Variants in MARCHF1 observed in about 807,000 individuals in gnomAD.
MARCHF1 encodes membrane associated ring-CH-type finger 1, also known as E3 ubiquitin-protein ligase MARCHF1.
In MARCHF1, 40 loss-of-function variants were observed where a neutral mutation model predicts 54.2. The observed-to-expected ratio is 0.74, with a 90% CI of 0.57 to 0.96. The LOEUF is 0.96. Among genes scored for constraint, MARCHF1 ranks in the 40% least tolerant of loss-of-function variants. The pLI, the probability that MARCHF1 is intolerant of heterozygous loss-of-function variation, is 0.00. For missense variants in MARCHF1, 586 were observed against 656.5 expected (o/e 0.89, Z 1.17); for synonymous variants, 236 against 236.3 (o/e 1.00, Z 0.01).
chr4:163,581,638 G>T (rs1386836554), intron 8 of MARCHF1, among the ~76,000 whole-genome samples: 1 of 152,138 alleles, frequency 6.6e-6, no homozygotes, highest in Non-Finnish European at 1.5e-5. Context: ...TTAAGGCAAG[G>T]AAGGAATTAA....
intron 1 of MARCHF1, among the ~76,000 whole-genome samples, chr4:164,185,427 C>A (rs1244223896): frequency 6.6e-6 from 1 of 152,102 alleles, no homozygotes; most frequent in East Asian, 1.9e-4. Context: ...AGTCTTGAGT[C>A]CTGCACATGT....
At chr4:163,862,435 G>T (rs1749959138) in intron 3 of MARCHF1, among the ~76,000 whole-genome samples, 1 of 151,848 alleles carries the variant, frequency 6.6e-6, no homozygotes, top group Admixed American at 6.6e-5. Context: ...TATACAAATG[G>T]ATACCAAGAA....
At chr4:163,955,574 T>C (rs1207829692) in intron 3 of MARCHF1, among the ~76,000 whole-genome samples, 2 of 152,098 alleles carry the variant, frequency 1.3e-5, no homozygotes, top group Non-Finnish European at 2.9e-5. Context: ...GTGTTTTTCC[T>C]TGATCTGAAG....
intron 2 of MARCHF1, among the ~76,000 whole-genome samples, chr4:164,040,882 T>G (rs1269829436): frequency 6.6e-6 from 1 of 152,066 alleles, no homozygotes; most frequent in Admixed American, 6.6e-5. Context: ...TACCATGACA[T>G]TCTGAATTGT....
At chr4:164,353,991 G>A (rs375702831) in intron 1 of MARCHF1, among the ~76,000 whole-genome samples, 18 of 90,194 alleles carry the variant, frequency 2.0e-4, no homozygotes, top group African/African-American at 6.0e-4. Flanking sequence ...ACACCTCTAC[G>A]CAAATAAACT....
intron 2 of MARCHF1, among the ~76,000 whole-genome samples, chr4:164,025,973 G>A (rs1464514218): frequency 1.3e-5 from 2 of 152,030 alleles, no homozygotes; most frequent in African/African-American, 4.8e-5. Context: ...AAATACAGAG[G>A]ATATGGATAA....
At chr4:163,960,823 A>G (rs1172588521) in intron 3 of MARCHF1, among the ~76,000 whole-genome samples, 1 of 151,852 alleles carries the variant, frequency 6.6e-6, no homozygotes, top group African/African-American at 2.4e-5. Context: ...ATAAAAAAAA[A>G]AAAAACAGAC....
At chr4:163,819,747 T>C (rs1748639978) in intron 4 of MARCHF1, among the ~76,000 whole-genome samples, 1 of 152,060 alleles carries the variant, frequency 6.6e-6, no homozygotes, top group Admixed American at 6.6e-5. Flanking sequence ...CAAACCATCT[T>C]ACAAACCAAC....
chr4:163,988,148 A>C (rs1752904893), intron 3 of MARCHF1, among the ~76,000 whole-genome samples: 1 of 152,194 alleles, frequency 6.6e-6, no homozygotes, highest in Admixed American at 6.5e-5. Context: ...CAGTTCCACT[A>C]TGTGAAAATG....
chr4:163,618,486 C>T (rs1368299193), intron 5 of MARCHF1, among the ~76,000 whole-genome samples: 1 of 152,124 alleles, frequency 6.6e-6, no homozygotes, highest in East Asian at 1.9e-4. Context: ...GGATGCAGGC[C>T]TAGTTTCCCC....
rs148155074 is a variant in MARCHF1, at chr4:163,762,869, G to A, written c.112-62006C>T. On this transcript the variant is annotated intron_variant, in intron 4 of 9. Coordinates refer to ENST00000514618, the MANE Select transcript of MARCHF1 (RefSeq NM_001394959.1). ...ATGGCCATTTTAAAAGCTTACACTA[G>A]CTTTCTGTTCATTATAAAGTAATTA... Among the ~76,000 whole-genome samples the A allele has an allele frequency of 3.4e-3, 512 of 152,114 alleles. 1 individual carries two copies. The highest frequency in any genetic ancestry group is 5.2e-3 in the Non-Finnish European group (355 of 67,948).
chr4:163,656,838 G>A (rs1189077122), intron 5 of MARCHF1, among the ~76,000 whole-genome samples: 1 of 151,448 alleles, frequency 6.6e-6, no homozygotes, highest in East Asian at 1.9e-4. Context: ...GTAGAAAAAG[G>A]CTTAGATAAA....
rs546725750 is a variant in MARCHF1 at position 163,598,723 on chromosome 4, G to A, written c.1011-12794C>T. Among the ~76,000 whole-genome samples the A allele has an allele frequency of 7.2e-5, 11 of 152,280 alleles. No homozygotes were observed. In the East Asian group the frequency reaches 2.1e-3, roughly 29 times the overall value. Reference sequence around the variant, plus strand: ...TGTTCTGGATGAGTCAGTGAGTGATGGGTGAGTAAACGTGAAGGCCTAGGA... The same window carrying A: ...TGTTCTGGATGAGTCAGTGAGTGATAGGTGAGTAAACGTGAAGGCCTAGGA... On this transcript the variant is annotated intron_variant, in intron 7 of 9. Coordinates refer to ENST00000514618, the MANE Select transcript of MARCHF1 (RefSeq NM_001394959.1).
intron 1 of MARCHF1, among the ~76,000 whole-genome samples, chr4:164,175,761 C>G (rs1331276019): frequency 6.6e-6 from 1 of 152,160 alleles, no homozygotes; most frequent in African/African-American, 2.4e-5. Context: ...AACTTCCAGC[C>G]CACCACGCTG....
rs572586428 is a variant in MARCHF1 at position 164,351,168 on chromosome 4, G to A, written c.-323+32702C>T. Among the ~76,000 whole-genome samples the A allele has an allele frequency of 1.9e-3, 293 of 151,956 alleles. 1 individual carries two copies. The highest frequency in any genetic ancestry group is 6.1e-3 in the African/African-American group (253 of 41,514). Reference sequence around the variant, plus strand: ...GCAGCCTGAGATCAAACTGCAAGGCGGCAGCGAGGCTGGGGTAGGGGCGCC... The same window carrying A: ...GCAGCCTGAGATCAAACTGCAAGGCAGCAGCGAGGCTGGGGTAGGGGCGCC... On this transcript the variant is annotated intron_variant, in intron 1 of 9. Transcript: ENST00000514618.
At chr4:164,144,059 C>T (rs985584716) in intron 1 of MARCHF1, among the ~76,000 whole-genome samples, 1 of 152,184 alleles carries the variant, frequency 6.6e-6, no homozygotes, top group South Asian at 2.1e-4. Flanking sequence ...CAACAAAGAT[C>T]AAAAGAGACA....
At chr4:164,106,984 G>A (rs144905381) in intron 2 of MARCHF1, among the ~76,000 whole-genome samples, 1 of 152,058 alleles carries the variant, frequency 6.6e-6, no homozygotes, top group African/African-American at 2.4e-5. Flanking sequence ...TTACAAAGTC[G>A]TATTGAGGAT....
At position 164,101,920 on chromosome 4, in the gene MARCHF1, G is replaced by A. The variant is rs1035650189; in HGVS notation, c.-248+9668C>T. Among the ~76,000 whole-genome samples, 7 of 150,348 alleles carry A rather than the reference G, an allele frequency of 4.7e-5. 1 individual carries two copies. Among genetic ancestry groups the A allele is most frequent in the Non-Finnish European group, 1.0e-4 (7 of 67,580 alleles). On this transcript the variant is annotated intron_variant, in intron 2 of 9. Transcript: ENST00000514618. The stretch of plus-strand genomic sequence containing the variant: ...GAACCAATACAGAGAAGTGCTTAAA[G>A]GAGCTGATGGAGCTGAAAACCAAGG...
chr4:163,612,537 A>G lies in MARCHF1; in HGVS notation c.744T>C (p.Thr248=), dbSNP rs1272844833. The G allele has an allele frequency of 1.3e-6, 2 of 1,535,484 alleles. No individual in the cohort carries two copies. The highest frequency in any genetic ancestry group is 3.9e-5 in the Admixed American group (2 of 50,958). Residue 248 remains threonine, a synonymous_variant, in exon 7 of 10, where the codon ACT becomes ACC. Transcript: ENST00000514618. The stretch of plus-strand genomic sequence containing the variant: ...ATCTCTTAATTTCAGAGGACCCTTG[A>G]GTCAGAGAAGGGTTGCATTCTTGGT... The part of the protein sequence containing the change: ...TRYQECNPSL[T]QGSSEIKRSS...
Sources: gnomAD v4.1 joint callset for allele counts (sites outside exome capture counted in the v4.1 genomes callset) on GRCh38, gnomAD v4.1.1 for gene constraint, MANE v1.5 for transcripts, NCBI Gene and HGNC (gene_info 2026-07-23, HGNC 2026-07-21) for gene names.